Variants in INO80D observed in about 807,000 individuals in gnomAD.
INO80D encodes INO80 complex subunit D.
INO80D carries 21 observed loss-of-function variants against 87.6 expected under a neutral mutation model. The ratio of observed to expected loss-of-function variants is 0.24; its 90% CI spans 0.17 to 0.35. INO80D has a LOEUF of 0.35. Ranked by LOEUF, INO80D falls within the 10% of genes least tolerant of loss-of-function variation. The pLI is 1.00. For synonymous variants in INO80D, 440 were observed against 491.0 expected (o/e 0.90, Z 1.37); for missense variants, 982 against 1,280.7 (o/e 0.77, Z 3.56).
In INO80D at chr2:206,028,327, T is replaced by A; in HGVS notation, c.1082A>T (p.Asp361Val). ...GGAGCTCCTACTCTCCGCATCATCATCATCTGACCTGGAAAGTGCAGGGAG... is the reference window on the plus strand; with the variant it reads ...GGAGCTCCTACTCTCCGCATCATCAACATCTGACCTGGAAAGTGCAGGGAG... ...TLRYQRHASDDDDAESRSSRV... is the reference protein window; with the variant it reads ...TLRYQRHASDVDDAESRSSRV... The change falls in exon 6 of 11, where the codon GAT becomes GTT. Residue 361 changes from aspartate (D) to valine (V), a missense_variant. Coordinates refer to ENST00000403263, the MANE Select transcript of INO80D (RefSeq NM_017759.5). 3.1e-6 allele frequency: 5 copies of A among 1,593,990 alleles called. No individual in the cohort carries two copies. Among genetic ancestry groups the A allele is most frequent in the Non-Finnish European group, 4.3e-6 (5 of 1,164,542 alleles).
chr2:206,032,476 C>G (rs1424700354), intron 5 of INO80D, among the ~76,000 whole-genome samples: 1 of 152,196 alleles, frequency 6.6e-6, no homozygotes, highest in Non-Finnish European at 1.5e-5. Flanking sequence ...CCTAAATACA[C>G]AACTCCATTG....
In INO80D at chr2:205,999,933, G is replaced by A. The variant is rs1022574528; in HGVS notation, c.*4435C>T. On this transcript the variant is annotated 3_prime_UTR_variant, in exon 11 of 11. Transcript: ENST00000403263. ...AGATTCAGTTAATGTATTGGGCGGGGGGAAACATCTATGTTCTTTCATATA... is the reference window on the plus strand; with the variant it reads ...AGATTCAGTTAATGTATTGGGCGGGAGGAAACATCTATGTTCTTTCATATA... 1 of 151,912 alleles carries A rather than the reference G, an allele frequency of 6.6e-6. No homozygotes were observed. Among genetic ancestry groups the A allele is most frequent in the Non-Finnish European group, 1.5e-5 (1 of 67,996 alleles). 9.4% of individuals were successfully genotyped at this position (151,912 alleles called of 1,614,324 possible).
At chr2:206,067,241 T>A (rs1441406655) in intron 1 of INO80D, among the ~76,000 whole-genome samples, 2 of 144,620 alleles carry the variant, frequency 1.4e-5, no homozygotes, top group Non-Finnish European at 3.0e-5. Flanking sequence ...AGTGCAACCG[T>A]CTCCAAAAAA....
At chr2:206,039,433 G>A (rs751503416) in intron 5 of INO80D, among the ~76,000 whole-genome samples, 13 of 151,952 alleles carry the variant, frequency 8.6e-5, no homozygotes, top group Non-Finnish European at 8.8e-5. Flanking sequence ...ACATATAAAC[G>A]ATGTTCCTGC....
chr2:206,007,192 A>G (rs919350835), intron 10 of INO80D, 92 bp downstream of exon 10: 3 of 1,059,392 alleles, frequency 2.8e-6, no homozygotes, highest in African/African-American at 3.2e-5. Context: ...ACATGTGAGG[A>G]GGAATATGAT....
In INO80D at chr2:206,005,207, C is replaced by T; in HGVS notation, c.2245G>A (p.Ala749Thr). The T allele has an allele frequency of 6.2e-7, 1 of 1,613,952 alleles. No individual in the cohort carries two copies. The highest frequency in any genetic ancestry group is 8.5e-7 in the Non-Finnish European group (1 of 1,179,850). The change falls in exon 11 of 11, where the codon GCA becomes ACA. Residue 749 changes from alanine to threonine, a missense_variant. Physicochemically the swap from Ala to Thr is moderately conservative, Grantham distance 58 (BLOSUM62 0). Coordinates refer to ENST00000403263, the MANE Select transcript of INO80D (RefSeq NM_017759.5). The stretch of plus-strand genomic sequence containing the variant: ...GAGAACTGCCCCTGGATCTGCCCTG[C>T]CAGGGGTGTAGGTGGGTTTGACAAG... ...ATLSNPPTPL[A>T]GQIQGQFSAP... is the part of the protein sequence containing the mutation.
chr2:206,026,276 T>C (rs1188835261), intron 6 of INO80D, among the ~76,000 whole-genome samples: 1 of 152,172 alleles, frequency 6.6e-6, no homozygotes, highest in Non-Finnish European at 1.5e-5. Flanking sequence ...GCAGGGGCAG[T>C]GGCTCATGCC....
At position 206,005,352 on chromosome 2, in the gene INO80D, T is replaced by C; in HGVS notation, c.2100A>G (p.Ser700=). Residue 700 remains serine, a synonymous_variant, in exon 11 of 11, where the codon TCA becomes TCG. Coordinates refer to ENST00000403263, the MANE Select transcript of INO80D (RefSeq NM_017759.5). ...IGVFSTGTGA[S]GIQSLSREVN... is the part of the protein sequence containing the mutation. ...CCTCTCGGCTCAAGGATTGTATTCC[T>C]GAAGCTCCAGTACCTGTGGAGAACA... 1.2e-6 allele frequency: 2 copies of C among 1,614,030 alleles called. No homozygotes were observed. The highest frequency in any genetic ancestry group is 1.7e-6 in the Non-Finnish European group (2 of 1,179,908).
chr2:206,009,008 A>G (rs1244958684), intron 9 of INO80D, among the ~76,000 whole-genome samples: 1 of 152,220 alleles, frequency 6.6e-6, no homozygotes, highest in Admixed American at 6.5e-5. Flanking sequence ...GAATTTCTGC[A>G]AAAGTTTTAA....
chr2:206,082,089 T>C (rs1392409159), intron 1 of INO80D, among the ~76,000 whole-genome samples: 1 of 152,210 alleles, frequency 6.6e-6, no homozygotes, highest in East Asian at 1.9e-4. Flanking sequence ...GGTGCAATCC[T>C]GGCTCACTGC....
intron 8 of INO80D, among the ~76,000 whole-genome samples, chr2:206,015,542 A>C (rs780154654): frequency 2.0e-5 from 3 of 152,176 alleles, no homozygotes; most frequent in Non-Finnish European, 2.9e-5. Flanking sequence ...AGTGCACAGA[A>C]GTCAAGAATT....
intron 1 of INO80D, among the ~76,000 whole-genome samples, chr2:206,069,062 T>A (rs1689893072): frequency 6.6e-6 from 1 of 152,192 alleles, no homozygotes; most frequent in Non-Finnish European, 1.5e-5. Flanking sequence ...TATGACATAT[T>A]TCATCTTAAT....
intron 8 of INO80D, among the ~76,000 whole-genome samples, chr2:206,014,057 T>C (rs1041129433): frequency 1.4e-4 from 21 of 148,802 alleles, no homozygotes; most frequent in African/African-American, 5.0e-4. Flanking sequence ...ACTCGGGAGG[T>C]TGAGGTGCAA....
chr2:206,025,542 A>AAAAAAAAAAAAAAAAAAAAAAATATAT (rs71301548), intron 6 of INO80D: 1 of 76,936 alleles, frequency 1.3e-5, no homozygotes, highest in South Asian at 6.5e-4. Flanking sequence ...AAAAAAAAAA[A>AAAAAAAAAAAAAAAAAAAAAAATATAT]ATATATATAT....
intron 4 of INO80D, among the ~76,000 whole-genome samples, chr2:206,052,254 C>A (rs1320851473): frequency 6.6e-6 from 1 of 152,164 alleles, no homozygotes; most frequent in East Asian, 1.9e-4. Context: ...GTGGTGCGAT[C>A]TCGGCTCACT....
In INO80D at chr2:205,996,218, A is replaced by G. The variant is rs1687804502; in HGVS notation, c.*8150T>C. The G allele has an allele frequency of 5.3e-5, 8 of 152,086 alleles. No individual in the cohort carries two copies. In the South Asian group the frequency reaches 1.7e-3, roughly 31 times the overall value. The allele number at this position is 152,086 out of a possible 1,614,324, so 9.4% of individuals were successfully genotyped here. On this transcript the variant is annotated 3_prime_UTR_variant, in exon 11 of 11. Transcript: ENST00000403263. ...TATCTTCTGGGAAAATTTCAGAGATAAAGATCTTTAAAAGAAATAACAGAG... is the reference window on the plus strand; with the variant it reads ...TATCTTCTGGGAAAATTTCAGAGATGAAGATCTTTAAAAGAAATAACAGAG...
chr2:206,007,518 A>G (rs1688057689), intron 9 of INO80D, 77 bp from the exon 10 acceptor site: 1 of 1,489,352 alleles, frequency 6.7e-7, no homozygotes, highest in East Asian at 2.4e-5. Flanking sequence ...AGTTCATTCA[A>G]CATGAAAAGA....
At chr2:206,050,813 C>CA (rs1397755518) in intron 4 of INO80D, among the ~76,000 whole-genome samples, 5 of 151,924 alleles carry the variant, frequency 3.3e-5, no homozygotes, top group Admixed American at 2.6e-4. Context: ...ACTAAAAACA[C>CA]AAAAAATTAG....
chr2:206,017,936 A>G (rs902564621), intron 7 of INO80D, 123 bp from the exon 8 acceptor site: 2 of 812,000 alleles, frequency 2.5e-6, no homozygotes, highest in African/African-American at 3.5e-5. Flanking sequence ...TATAAATATT[A>G]CCCATATCAG....
Sources: gnomAD v4.1 joint callset for allele counts (sites outside exome capture counted in the v4.1 genomes callset) on GRCh38, gnomAD v4.1.1 for gene constraint, MANE v1.5 for transcripts, NCBI Gene and HGNC (gene_info 2026-07-23, HGNC 2026-07-21) for gene names.